DSG3: variants seen among roughly 807,000 people sequenced by gnomAD.
DSG3 encodes desmoglein-3.
DSG3 carries 63 observed loss-of-function variants against 85.9 expected under a neutral mutation model. The observed-to-expected ratio is 0.73, with a 90% CI of 0.60 to 0.90. The LOEUF is 0.90. Ranked by LOEUF, DSG3 falls within the 40% of genes least tolerant of loss-of-function variation. DSG3 has a pLI of 0.00. For synonymous variants in DSG3, 447 were observed against 441.9 expected (o/e 1.01, Z -0.14); for missense variants, 1,220 against 1,219.9 (o/e 1.00, Z 0.00).
chr18:31,462,006 T>C (rs1185745725), intron 8 of DSG3, among the ~76,000 whole-genome samples: 1 of 152,160 alleles, frequency 6.6e-6, no homozygotes, highest in Non-Finnish European at 1.5e-5. Context: ...TACAGCACTT[T>C]GGTTTTTCGT....
chr18:31,466,685 C>T lies in DSG3; in HGVS notation c.1567C>T (p.Pro523Ser), dbSNP rs2072821779. The change falls in exon 11 of 16, where the codon CCC becomes TCC. Residue 523 changes from proline to serine, a missense_variant. Physicochemically the swap from Pro to Ser is moderately conservative, Grantham distance 74. Transcript: ENST00000257189. ...ARTLNNRYTG[P>S]YTFALEDQPV... The stretch of plus-strand genomic sequence containing the variant: ...AACACTGAATAATAGATACACTGGC[C>T]CCTATACATTTGCACTGGAAGATCA... 6.2e-7 allele frequency: 1 copy of T among 1,614,188 alleles called. No homozygotes were observed. Among genetic ancestry groups the T allele is most frequent in the Non-Finnish European group, 8.5e-7 (1 of 1,180,032 alleles).
chr18:31,473,832 T>G (rs2072869821), intron 14 of DSG3, among the ~76,000 whole-genome samples: 1 of 152,226 alleles, frequency 6.6e-6, no homozygotes, highest in African/African-American at 2.4e-5. Flanking sequence ...CATAACTGTG[T>G]ACTAAATATC....
At chr18:31,472,025 C>G (rs2072858472) in intron 12 of DSG3, among the ~76,000 whole-genome samples, 1 of 152,100 alleles carries the variant, frequency 6.6e-6, no homozygotes. Flanking sequence ...TACATCAGTG[C>G]CTATTTTAAG....
At chr18:31,454,890 C>A (rs914122796) in intron 1 of DSG3, among the ~76,000 whole-genome samples, 3 of 151,476 alleles carry the variant, frequency 2.0e-5, no homozygotes, top group Non-Finnish European at 4.4e-5. Context: ...CCCTGTTACT[C>A]GGGAGGCTAA....
At position 31,464,315 on chromosome 18, in the gene DSG3, G is replaced by A. The variant is rs2072803595; in HGVS notation, c.1204G>A (p.Val402Met). 6.2e-7 allele frequency: 1 copy of A among 1,614,126 alleles called. No homozygotes were observed. The highest frequency in any genetic ancestry group is 1.1e-5 in the South Asian group (1 of 91,078). The change falls in exon 9 of 16, where the codon GTG (valine) becomes ATG (methionine). Residue 402 changes from valine to methionine, a missense_variant. By Grantham distance (21) the Val-to-Met change is conservative (BLOSUM62 1). Transcript: ENST00000257189. ...VQKGISSKKL[V>M]DYILGTYQAI... ...AAAAGGCATAAGTAGCAAAAAATTG[G>A]TGGATTATATCCTGGGAACATATCA...
chr18:31,456,969 A>C, intron 2 of DSG3, 24 bp from the exon 3 acceptor site: 5 of 1,582,034 alleles, frequency 3.2e-6, no homozygotes, highest in Non-Finnish European at 4.3e-6. Flanking sequence ...TTTCCATAAC[A>C]AATGGAATCC....
At chr18:31,460,788 T>C (rs1412988998) in intron 6 of DSG3, 45 bp from the exon 7 acceptor site, 6 of 1,503,384 alleles carry the variant, frequency 4.0e-6, no homozygotes, top group Non-Finnish European at 5.3e-6. Context: ...CCATTTATAA[T>C]TCTTTGGGAT....
At chr18:31,463,975 A>C (rs2144275359) in intron 8 of DSG3, 136 bp from the exon 9 acceptor site, 1 of 837,388 alleles carries the variant, frequency 1.2e-6, no homozygotes, top group Middle Eastern at 2.9e-4. Context: ...ACATTACAAT[A>C]ATTTCTGAAG....
chr18:31,471,729 A>G (rs747662562), intron 12 of DSG3, among the ~76,000 whole-genome samples: 11 of 152,232 alleles, frequency 7.2e-5, no homozygotes. Flanking sequence ...CACAACTAAG[A>G]AATTCTTAAA....
chr18:31,474,031 G>A (rs1456974363), intron 14 of DSG3, 90 bp from the exon 15 acceptor site: 1 of 1,281,696 alleles, frequency 7.8e-7, no homozygotes, highest in South Asian at 1.4e-5. Context: ...TGTTTGCATG[G>A]TGACTGCTTA....
rs1386608760 is a variant in DSG3, at chr18:31,476,271, CT to C, written c.*12del. On this transcript the variant is annotated 3_prime_UTR_variant, in exon 16 of 16. Transcript: ENST00000257189. Reference sequence around the variant, plus strand: ...TCCCGTCTAATATGACCAGAATGAGCTGGAATACCACACTGACCAAATCTGG... The same window carrying C: ...TCCCGTCTAATATGACCAGAATGAGCGGAATACCACACTGACCAAATCTGG... 2 of 1,594,450 alleles carry C rather than the reference CT, an allele frequency of 1.3e-6. No homozygotes were observed. Among genetic ancestry groups the C allele is most frequent in the East Asian group, 4.5e-5 (2 of 44,696 alleles).
chr18:31,476,212 G>T lies in DSG3; in HGVS notation c.2952G>T (p.Gly984=), dbSNP rs200152106. The T allele has an allele frequency of 2.5e-6, 4 of 1,614,054 alleles. No homozygotes were observed. The East Asian group carries it at 6.7e-5, about 27-fold the overall frequency. ...GNLAGPTQLR[G]SHTMLCTEDP... The stretch of plus-strand genomic sequence containing the variant: ...TAGCTGGCCCAACGCAGCTACGAGG[G>T]TCACATACTATGCTCTGTACAGAGG... Residue 984 remains glycine (G), a synonymous_variant, in exon 16 of 16, where the codon GGG becomes GGT. Coordinates refer to ENST00000257189, the MANE Select transcript of DSG3 (RefSeq NM_001944.3).
At chr18:31,459,212 A>T (rs761778729) in intron 5 of DSG3, 35 bp downstream of exon 5, 2 of 1,577,390 alleles carry the variant, frequency 1.3e-6, no homozygotes, top group South Asian at 2.4e-5. Flanking sequence ...CTTTCAGTTT[A>T]TCTACTTTCA....
In DSG3 at chr18:31,469,140, A is replaced by T. The variant is rs1310492631; in HGVS notation, c.1688A>T (p.His563Leu). 1 of 1,614,184 alleles carries T rather than the reference A, an allele frequency of 6.2e-7. No individual in the cohort carries two copies. Among genetic ancestry groups the T allele is most frequent in the South Asian group, 1.1e-5 (1 of 91,090 alleles). Residue 563 changes from histidine (H) to leucine (L), a missense_variant, in exon 12 of 16, where the codon CAC becomes CTC. Physicochemically the swap from His to Leu is moderately conservative, Grantham distance 99. Coordinates refer to ENST00000257189, the MANE Select transcript of DSG3 (RefSeq NM_001944.3). ...AQEQIPPGVY[H>L]ISLVLTDSQN... ...GAACAGATACCTCCTGGAGTATACC[A>T]CATCTCCCTGGTACTTACAGACAGT... is the stretch of plus-strand genomic sequence containing the variant.
chr18:31,472,659 A>G (rs1319744400), intron 13 of DSG3, 66 bp from the exon 14 acceptor site: 22 of 1,526,252 alleles, frequency 1.4e-5, no homozygotes, highest in Non-Finnish European at 1.9e-5. Context: ...AAAGGGCCAC[A>G]TGTCACTATA....
At chr18:31,469,046 A>T (rs2072838372) in intron 11 of DSG3, 43 bp from the exon 12 acceptor site, 12 of 1,603,186 alleles carry the variant, frequency 7.5e-6, no homozygotes, top group Non-Finnish European at 1.0e-5. Flanking sequence ...GACTGAAAAG[A>T]CACTTCGTCC....
intron 5 of DSG3, 60 bp from the exon 6 acceptor site, chr18:31,459,785 A>G: frequency 6.8e-7 from 1 of 1,460,356 alleles, no homozygotes; most frequent in Non-Finnish European, 9.3e-7. Context: ...TGGAATATTT[A>G]AAGTAAACAT....
rs117316525 is a variant in DSG3, at chr18:31,462,356, G to A, written c.999+944G>A. Among the ~76,000 whole-genome samples, 3 of 152,294 alleles carry A rather than the reference G, an allele frequency of 2.0e-5. No individual in the cohort carries two copies. In the East Asian group the frequency reaches 5.8e-4, roughly 29 times the overall value. ...CAAAGTACTGGGATTACAGGCATGAGCCATCGCATCTGGCCCTTGGTACAG... is the reference window on the plus strand; with the variant it reads ...CAAAGTACTGGGATTACAGGCATGAACCATCGCATCTGGCCCTTGGTACAG... On this transcript the variant is annotated intron_variant, in intron 8 of 15. Coordinates refer to ENST00000257189, the MANE Select transcript of DSG3 (RefSeq NM_001944.3).
chr18:31,472,160 A>G, intron 12 of DSG3, 124 bp from the exon 13 acceptor site: 1 of 1,418,964 alleles, frequency 7.0e-7, no homozygotes, highest in Non-Finnish European at 9.5e-7. Flanking sequence ...TTTGGTTTTC[A>G]TTAGGAATTT....
Sources: allele counts gnomAD v4.1 joint callset (sites outside exome capture counted in the v4.1 genomes callset), GRCh38; gene constraint gnomAD v4.1.1; transcripts MANE v1.5; gene names NCBI Gene and HGNC (gene_info 2026-07-23, HGNC 2026-07-21).